CELF4: variants seen among roughly 807,000 people sequenced by gnomAD.
CELF4 encodes CUG-BP- and ETR-3-like factor 4.
Under a neutral mutation model 59.9 loss-of-function variants are expected in CELF4, and 18 were observed. The ratio of observed to expected loss-of-function variants is 0.30; its 90% CI spans 0.21 to 0.45. CELF4 has a LOEUF of 0.45. CELF4 is among the 20% of genes least tolerant of loss of function. The probability of loss-of-function intolerance (pLI) is 1.00; values close to 1 mark genes in which losing one functional copy is unlikely to be tolerated. For missense variants in CELF4, 456 were observed against 689.0 expected (o/e 0.66, Z 3.79); for synonymous variants, 261 against 267.1 (o/e 0.98, Z 0.22).
chr18:37,386,568 G>A (rs2099101777), intron 2 of CELF4, among the ~76,000 whole-genome samples: 3 of 152,174 alleles, frequency 2.0e-5, no homozygotes, highest in Non-Finnish European at 2.9e-5. Context: ...GAGAACACAC[G>A]CTTCCCCACT....
At chr18:37,557,530 C>T (rs1192154546) in intron 1 of CELF4, among the ~76,000 whole-genome samples, 3 of 152,178 alleles carry the variant, frequency 2.0e-5, no homozygotes, top group African/African-American at 4.8e-5. Flanking sequence ...TCTAATACAT[C>T]GGGGCTTTGT....
intron 2 of CELF4, among the ~76,000 whole-genome samples, chr18:37,482,083 C>G (rs2099869038): frequency 6.6e-6 from 1 of 150,608 alleles, no homozygotes; most frequent in Non-Finnish European, 1.5e-5. Context: ...CATGTGCTGT[C>G]TTGTATTGTT....
chr18:37,385,299 G>C (rs2099086704), intron 2 of CELF4, among the ~76,000 whole-genome samples: 3 of 146,190 alleles, frequency 2.1e-5, no homozygotes, highest in South Asian at 4.4e-4. Flanking sequence ...AGGTTGCAGT[G>C]AGTGGAGATC....
intron 2 of CELF4, among the ~76,000 whole-genome samples, chr18:37,475,662 T>G (rs2099846851): frequency 6.6e-6 from 1 of 152,178 alleles, no homozygotes. Flanking sequence ...GCCCAGCACC[T>G]GCAGGATTTC....
intron 2 of CELF4, among the ~76,000 whole-genome samples, chr18:37,391,312 C>G (rs1339436417): frequency 6.6e-6 from 1 of 152,192 alleles, no homozygotes; most frequent in South Asian, 2.1e-4. Context: ...CAAAGCTGCC[C>G]CTCTCTAAGG....
chr18:37,539,789 A>G (rs1402413044), intron 1 of CELF4, among the ~76,000 whole-genome samples: 6 of 151,472 alleles, frequency 4.0e-5, no homozygotes, highest in Non-Finnish European at 5.9e-5. Context: ...GGATTTTTAA[A>G]TTACATTGGA....
At chr18:37,402,454 C>G (rs1159143549) in intron 2 of CELF4, among the ~76,000 whole-genome samples, 2 of 152,160 alleles carry the variant, frequency 1.3e-5, no homozygotes, top group African/African-American at 4.8e-5. Flanking sequence ...TGCCCCTTCT[C>G]TAACCCCTTT....
intron 1 of CELF4, among the ~76,000 whole-genome samples, chr18:37,514,138 T>C (rs947169532): frequency 6.6e-6 from 1 of 152,098 alleles, no homozygotes; most frequent in Non-Finnish European, 1.5e-5. Context: ...TGGTACCTCT[T>C]TCTGCATTTC....
At chr18:37,429,883 C>T (rs183255775) in intron 2 of CELF4, among the ~76,000 whole-genome samples, 1 of 152,316 alleles carries the variant, frequency 6.6e-6, no homozygotes, top group East Asian at 1.9e-4. Flanking sequence ...CTGCCTGACT[C>T]CTGTGTCAGG....
chr18:37,341,205 T>G (rs1176216315), intron 2 of CELF4, among the ~76,000 whole-genome samples: 2 of 152,182 alleles, frequency 1.3e-5, no homozygotes, highest in African/African-American at 4.8e-5. Flanking sequence ...GGTGTGGCTG[T>G]GTGTCCTCCC....
At chr18:37,425,304 C>T (rs1019856361) in intron 2 of CELF4, among the ~76,000 whole-genome samples, 2 of 152,212 alleles carry the variant, frequency 1.3e-5, no homozygotes. Context: ...ATGCTGTGTA[C>T]GTGTCCATTA....
At chr18:37,503,580 G>A (rs956728610) in intron 1 of CELF4, among the ~76,000 whole-genome samples, 1 of 152,202 alleles carries the variant, frequency 6.6e-6, no homozygotes, top group African/African-American at 2.4e-5. Context: ...AGAATGCTTA[G>A]CATCTGTTTT....
chr18:37,365,124 T>C (rs1208318321), intron 2 of CELF4, among the ~76,000 whole-genome samples: 1 of 152,120 alleles, frequency 6.6e-6, no homozygotes, highest in East Asian at 1.9e-4. Context: ...GGGTGGATGC[T>C]GAGCAAAAGG....
At chr18:37,539,491 A>ACG (rs1491035794) in intron 1 of CELF4, among the ~76,000 whole-genome samples, 1 of 146,056 alleles carries the variant, frequency 6.8e-6, no homozygotes, top group African/African-American at 2.5e-5. Flanking sequence ...ACACACACAC[A>ACG]CGCGTGCACG....
At chr18:37,361,948 C>T (rs374798608) in intron 2 of CELF4, among the ~76,000 whole-genome samples, 1 of 152,146 alleles carries the variant, frequency 6.6e-6, no homozygotes, top group African/African-American at 2.4e-5. Context: ...CAGAGGGTAC[C>T]CAGGGGCACT....
At chr18:37,511,164 C>T (rs2099943878) in intron 1 of CELF4, among the ~76,000 whole-genome samples, 1 of 152,188 alleles carries the variant, frequency 6.6e-6, no homozygotes, top group African/African-American at 2.4e-5. Flanking sequence ...TCCTTAAAAT[C>T]CTTGCGTGTT....
intron 6 of CELF4, chr18:37,273,971 A>T: frequency 8.7e-7 from 1 of 1,145,970 alleles, no homozygotes. Context: ...CAATGACCTG[A>T]ACCTCACCCT....
At chr18:37,305,874 A>T (rs2096367001) in intron 3 of CELF4, 1 of 152,184 alleles carries the variant, frequency 6.6e-6, no homozygotes, top group South Asian at 2.1e-4. Flanking sequence ...CTTTGATTCT[A>T]CATCTGTCCC....
At chr18:37,548,603 T>C (rs1354547857) in intron 1 of CELF4, among the ~76,000 whole-genome samples, 1 of 152,168 alleles carries the variant, frequency 6.6e-6, no homozygotes, top group Non-Finnish European at 1.5e-5. Flanking sequence ...GGGGTGCTGA[T>C]AGGGGTGCTG....
Sources: allele counts gnomAD v4.1 joint callset (sites outside exome capture counted in the v4.1 genomes callset), GRCh38; gene constraint gnomAD v4.1.1; transcripts MANE v1.5; gene names NCBI Gene and HGNC (gene_info 2026-07-23, HGNC 2026-07-21).